Variants in RARB observed in about 807,000 individuals in gnomAD.
The protein encoded by RARB is HBV-activated protein.
A neutral mutation model predicts 51.9 loss-of-function variants in RARB; 17 were observed. That is an observed-to-expected ratio of 0.33 (90% CI 0.22 to 0.49). The LOEUF is 0.49. Among genes scored for constraint, RARB ranks in the 20% least tolerant of loss-of-function variants. RARB has a pLI of 0.99. For synonymous variants in RARB, 215 were observed against 195.4 expected (o/e 1.10, Z -0.84); for missense variants, 369 against 550.8 (o/e 0.67, Z 3.30).
intron 2 of RARB, among the ~76,000 whole-genome samples, chr3:24,955,333 T>C (rs1695989985): frequency 6.6e-6 from 1 of 151,816 alleles, no homozygotes; most frequent in African/African-American, 2.4e-5. Context: ...CTTGTCTCTT[T>C]GCCAGCTGAG....
At chr3:25,307,078 C>G (rs559412515) in intron 5 of RARB, among the ~76,000 whole-genome samples, 3 of 152,174 alleles carry the variant, frequency 2.0e-5, no homozygotes, top group African/African-American at 7.2e-5. Context: ...GGTATTTATC[C>G]AAATTAGTTA....
intron 3 of RARB, among the ~76,000 whole-genome samples, chr3:25,096,375 T>C (rs1162009175): frequency 3.3e-5 from 5 of 152,070 alleles, no homozygotes; most frequent in Non-Finnish European, 2.9e-5. Context: ...CCAGATACCA[T>C]TGGAGAAATT....
intron 2 of RARB, among the ~76,000 whole-genome samples, chr3:24,880,176 G>T (rs962248672): frequency 2.0e-5 from 3 of 151,440 alleles, no homozygotes; most frequent in African/African-American, 7.3e-5. Flanking sequence ...ATTCTGATCT[G>T]TTATACCACC....
At position 25,231,451 on chromosome 3, in the gene RARB, T is replaced by C. The variant is rs954270233; in HGVS notation, c.178+56876T>C. Among the ~76,000 whole-genome samples, 4 of 152,290 alleles carry C rather than the reference T, an allele frequency of 2.6e-5. No homozygotes were observed. In the East Asian group the frequency reaches 7.7e-4, roughly 29 times the overall value. ...AAATCCTTATAGACCTTTAGCTTTA[T>C]GTTCTCACAGCCAAGCAATACTCTT... On this transcript the variant is annotated intron_variant, in intron 5 of 11. Coordinates refer to the RARB transcript ENST00000383772.
At chr3:25,147,903 T>A (rs1700220421) in intron 4 of RARB, among the ~76,000 whole-genome samples, 1 of 152,230 alleles carries the variant, frequency 6.6e-6, no homozygotes, top group African/African-American at 2.4e-5. Context: ...CTCTTCTTCC[T>A]ACATTGAATA....
chr3:25,283,534 C>T (rs764732907), intron 5 of RARB, among the ~76,000 whole-genome samples: 1 of 152,194 alleles, frequency 6.6e-6, no homozygotes, highest in African/African-American at 2.4e-5. Context: ...AACATAATAC[C>T]TGACACCTTA....
At chr3:25,186,884 CCTGTGTGTGTGTGT>C (rs1389982646) in intron 5 of RARB, among the ~76,000 whole-genome samples, 2 of 58,820 alleles carry the variant, frequency 3.4e-5, no homozygotes, top group African/African-American at 1.1e-4. Flanking sequence ...AAAAGGTAAG[CCTGTGTGTGTGTGT>C]GTGTGTGTGT....
chr3:25,399,300 T>C (rs1212758592), intron 5 of RARB, among the ~76,000 whole-genome samples: 1 of 152,196 alleles, frequency 6.6e-6, no homozygotes, highest in Non-Finnish European at 1.5e-5. Context: ...TAAAAGTATC[T>C]TTATTTTCTT....
chr3:25,029,668 C>T (rs1405643088), intron 2 of RARB, among the ~76,000 whole-genome samples: 1 of 152,186 alleles, frequency 6.6e-6, no homozygotes, highest in Non-Finnish European at 1.5e-5. Flanking sequence ...CCATTTAGCA[C>T]TCCAGGATAC....
At chr3:25,513,557 A>G (rs1438186341) in intron 3 of RARB, among the ~76,000 whole-genome samples, 2 of 151,792 alleles carry the variant, frequency 1.3e-5, no homozygotes, top group African/African-American at 2.4e-5. Flanking sequence ...ATAGCATGTT[A>G]CCCCTTTCAT....
chr3:25,579,440 A>G (rs1378188270), intron 4 of RARB, among the ~76,000 whole-genome samples: 1 of 152,178 alleles, frequency 6.6e-6, no homozygotes, highest in Non-Finnish European at 1.5e-5. Flanking sequence ...CTTTTCCAGA[A>G]CGTCATATAA....
At chr3:25,250,294 C>A (rs1438745949) in intron 5 of RARB, among the ~76,000 whole-genome samples, 1 of 152,140 alleles carries the variant, frequency 6.6e-6, no homozygotes, top group African/African-American at 2.4e-5. Context: ...TGGGTCTATC[C>A]TCAGGCTCCA....
intron 2 of RARB, among the ~76,000 whole-genome samples, chr3:25,025,729 A>G (rs1365048202): frequency 2.0e-5 from 3 of 152,122 alleles, no homozygotes; most frequent in Non-Finnish European, 4.4e-5. Flanking sequence ...AAGTTCTTAG[A>G]GTATTTGCTC....
At chr3:25,444,429 T>C (rs1029932666) in intron 1 of RARB, among the ~76,000 whole-genome samples, 3 of 152,236 alleles carry the variant, frequency 2.0e-5, no homozygotes, top group Non-Finnish European at 4.4e-5. Context: ...AAATGGGCAG[T>C]TCTTCTAATT....
At chr3:24,890,426 C>T (rs535983458) in intron 2 of RARB, among the ~76,000 whole-genome samples, 1 of 152,240 alleles carries the variant, frequency 6.6e-6, no homozygotes, top group African/African-American at 2.4e-5. Flanking sequence ...AGAGTTTGGA[C>T]TTATTTCACG....
chr3:24,940,939 G>A (rs1366725660), intron 2 of RARB, among the ~76,000 whole-genome samples: 2 of 152,140 alleles, frequency 1.3e-5, no homozygotes, highest in Non-Finnish European at 2.9e-5. Context: ...TAGTCAGTGA[G>A]GTAAATCCAT....
intron 3 of RARB, among the ~76,000 whole-genome samples, chr3:25,114,807 A>G (rs1699659412): frequency 6.6e-6 from 1 of 152,184 alleles, no homozygotes; most frequent in Non-Finnish European, 1.5e-5. Flanking sequence ...CAGCTTAAAG[A>G]TAACAGTGGA....
At chr3:25,375,432 C>A (rs897498612) in intron 5 of RARB, among the ~76,000 whole-genome samples, 2 of 152,136 alleles carry the variant, frequency 1.3e-5, no homozygotes, top group Admixed American at 1.3e-4. Flanking sequence ...CAGTGGTTAC[C>A]ACCTTACTAA....
chr3:25,446,802 C>CAAAAAAAA (rs5847356), intron 1 of RARB, among the ~76,000 whole-genome samples: 8 of 69,102 alleles, frequency 1.2e-4, no homozygotes, highest in African/African-American at 1.3e-4. Context: ...GACTCCGTCT[C>CAAAAAAAA]AAAAAAAAAA....
Sources: allele counts gnomAD v4.1 joint callset (sites outside exome capture counted in the v4.1 genomes callset), GRCh38; gene constraint gnomAD v4.1.1; transcripts MANE v1.5; gene names NCBI Gene and HGNC (gene_info 2026-07-23, HGNC 2026-07-21).